ERBB4: variants seen among roughly 807,000 people sequenced by gnomAD.
ERBB4 encodes erb-b2 receptor tyrosine kinase 4, also known as receptor tyrosine-protein kinase erbB-4.
A neutral mutation model predicts 158.0 loss-of-function variants in ERBB4; 42 were observed. The ratio of observed to expected loss-of-function variants is 0.27; its 90% CI spans 0.21 to 0.34. The LOEUF is 0.34. Ranked by LOEUF, ERBB4 falls within the 10% of genes least tolerant of loss-of-function variation. ERBB4 has a pLI of 1.00. For missense variants in ERBB4, 1,333 were observed against 1,624.1 expected, an observed-to-expected ratio of 0.82 and a Z score of 3.08; for synonymous variants, 583 against 558.7, an observed-to-expected ratio of 1.04 and a Z score of -0.61.
intron 1 of ERBB4, among the ~76,000 whole-genome samples, chr2:212,268,680 C>A (rs1275568510): frequency 6.6e-6 from 1 of 151,798 alleles, no homozygotes; most frequent in Non-Finnish European, 1.5e-5. Flanking sequence ...AGGAGGAAAG[C>A]AGTCATAGAT....
intron 3 of ERBB4, among the ~76,000 whole-genome samples, chr2:211,810,774 G>A (rs1176239654): frequency 1.4e-5 from 2 of 147,294 alleles, no homozygotes; most frequent in Admixed American, 7.1e-5. Flanking sequence ...CCGGGTTCAC[G>A]CCATTCTCCT....
At chr2:211,537,251 T>A (rs1052412399) in intron 20 of ERBB4, among the ~76,000 whole-genome samples, 1 of 151,956 alleles carries the variant, frequency 6.6e-6, no homozygotes, top group African/African-American at 2.4e-5. Context: ...TCTACTACAA[T>A]AGCTTATAAT....
intron 1 of ERBB4, among the ~76,000 whole-genome samples, chr2:212,439,218 A>G (rs1178670908): frequency 6.6e-6 from 1 of 152,150 alleles, no homozygotes; most frequent in Non-Finnish European, 1.5e-5. Flanking sequence ...CACGTAAAAG[A>G]CTGCTTCGAG....
At chr2:212,297,433 T>C (rs1447944057) in intron 1 of ERBB4, among the ~76,000 whole-genome samples, 1 of 151,964 alleles carries the variant, frequency 6.6e-6, no homozygotes, top group Admixed American at 6.6e-5. Flanking sequence ...ATGGTATATA[T>C]GTGATCCAGT....
At chr2:211,428,798 A>G (rs2063690022) in intron 21 of ERBB4, among the ~76,000 whole-genome samples, 1 of 152,054 alleles carries the variant, frequency 6.6e-6, no homozygotes, top group Non-Finnish European at 1.5e-5. Context: ...GCTCACTGCA[A>G]TCTCTGCCTA....
chr2:211,385,436 T>C (rs1469545817), intron 27 of ERBB4, among the ~76,000 whole-genome samples: 2 of 152,196 alleles, frequency 1.3e-5, no homozygotes, highest in Non-Finnish European at 2.9e-5. Context: ...CTTATTCTAC[T>C]GCACTGTTTT....
At chr2:211,455,455 G>C (rs2064357825) in intron 20 of ERBB4, among the ~76,000 whole-genome samples, 1 of 152,010 alleles carries the variant, frequency 6.6e-6, no homozygotes, top group South Asian at 2.1e-4. Flanking sequence ...GCTGCCTTTT[G>C]TTTGGTTTTA....
intron 12 of ERBB4, among the ~76,000 whole-genome samples, chr2:211,696,759 T>C (rs983964184): frequency 6.6e-6 from 1 of 152,128 alleles, no homozygotes; most frequent in African/African-American, 2.4e-5. Context: ...AACCTCTGCC[T>C]CCTGGGTTCA....
At chr2:211,855,971 T>C (rs1318237608) in intron 3 of ERBB4, among the ~76,000 whole-genome samples, 2 of 152,164 alleles carry the variant, frequency 1.3e-5, no homozygotes, top group Admixed American at 6.5e-5. Flanking sequence ...TTAGAAAATC[T>C]CAGGATACAA....
At chr2:211,487,210 T>G (rs923591883) in intron 20 of ERBB4, among the ~76,000 whole-genome samples, 3 of 142,108 alleles carry the variant, frequency 2.1e-5, no homozygotes, top group African/African-American at 7.8e-5. Flanking sequence ...AGAATTCTCA[T>G]TATTCAATTC....
chr2:211,400,439 A>G (rs964744780), intron 25 of ERBB4, among the ~76,000 whole-genome samples: 1 of 152,170 alleles, frequency 6.6e-6, no homozygotes, highest in South Asian at 2.1e-4. Context: ...GTATTTGCAC[A>G]GTGACATGAT....
At chr2:212,256,356 C>A (rs559270094) in intron 1 of ERBB4, among the ~76,000 whole-genome samples, 4 of 151,946 alleles carry the variant, frequency 2.6e-5, no homozygotes, top group African/African-American at 7.2e-5. Flanking sequence ...GCCTTATCAT[C>A]GTCATCATTT....
At chr2:212,220,918 G>A (rs2083270473) in intron 1 of ERBB4, among the ~76,000 whole-genome samples, 2 of 151,324 alleles carry the variant, frequency 1.3e-5, no homozygotes. Context: ...CTACTTTTGA[G>A]GTCTCTGGCT....
chr2:211,902,688 A>C (rs1223340048), intron 3 of ERBB4, among the ~76,000 whole-genome samples: 2 of 151,680 alleles, frequency 1.3e-5, no homozygotes, highest in East Asian at 3.9e-4. Context: ...AAAATTGAGT[A>C]ATTTTCCTTC....
At chr2:212,080,417 G>A (rs1285872735) in intron 2 of ERBB4, among the ~76,000 whole-genome samples, 1 of 151,004 alleles carries the variant, frequency 6.6e-6, no homozygotes, top group Non-Finnish European at 1.5e-5. Context: ...AGTTGAGGGG[G>A]AGAATTAATA....
chr2:212,485,377 C>A (rs1689918053), intron 1 of ERBB4, among the ~76,000 whole-genome samples: 1 of 152,142 alleles, frequency 6.6e-6, no homozygotes, highest in South Asian at 2.1e-4. Flanking sequence ...TCTACATTCT[C>A]AACTAGAAAT....
chr2:212,240,665 A>AAAAAAAAAAAAAAAAAAAC (rs1559823350), intron 1 of ERBB4, among the ~76,000 whole-genome samples: 3 of 145,902 alleles, frequency 2.1e-5, no homozygotes, highest in African/African-American at 7.9e-5. Flanking sequence ...AAAAAAAAAA[A>AAAAAAAAAAAAAAAAAAAC]AACAGAAAAA....
At chr2:211,427,036 A>G (rs2063643927) in intron 22 of ERBB4, among the ~76,000 whole-genome samples, 2 of 152,046 alleles carry the variant, frequency 1.3e-5, no homozygotes, top group Non-Finnish European at 2.9e-5. Context: ...GACATTTTCT[A>G]TTTCTAAGCT....
At position 211,773,696 on chromosome 2, in the gene ERBB4, A is replaced by G. The variant is rs566688623; in HGVS notation, c.556+14329T>C. Among the ~76,000 whole-genome samples, 4 of 141,454 alleles carry G rather than the reference A, an allele frequency of 2.8e-5. No individual in the cohort carries two copies. In the East Asian group the frequency reaches 6.2e-4, roughly 22 times the overall value. 92.8% of individuals were successfully genotyped at this position (141,454 alleles called of 152,430 possible). A position where few individuals can be genotyped will look rare whatever the true frequency, so the allele number is the denominator to read the frequency against. ...TTCATATACATACTATGAAGTATAT[A>G]TACTTTATAGTGAAGAATATATATA... On this transcript the variant is annotated intron_variant, in intron 4 of 27. Coordinates refer to ENST00000342788, the MANE Select transcript of ERBB4 (RefSeq NM_005235.3).
Sources: allele counts gnomAD v4.1 joint callset (sites outside exome capture counted in the v4.1 genomes callset), GRCh38; gene constraint gnomAD v4.1.1; transcripts MANE v1.5; gene names NCBI Gene and HGNC (gene_info 2026-07-23, HGNC 2026-07-21).